QTMAN: variants seen among roughly 807,000 people sequenced by gnomAD.
QTMAN encodes the protein queuosine-tRNA mannosyltransferase, also known as tRNA-queuosine alpha-mannosyltransferase.
the QTMAN span, among the ~76,000 whole-genome samples, chr2:144,303,034 G>A: frequency 2.0e-5 from 3 of 152,160 alleles, no homozygotes; most frequent in South Asian, 2.1e-4. Context: ...CCCGGAAGGC[G>A]GAGGTTGCAG....
chr2:144,017,905 A>C, the QTMAN span, among the ~76,000 whole-genome samples: 1 of 152,102 alleles, frequency 6.6e-6, no homozygotes, highest in Non-Finnish European at 1.5e-5. Context: ...TAGTTCTTAT[A>C]CTTTAGCCAT....
the QTMAN span, among the ~76,000 whole-genome samples, chr2:143,950,312 G>T: frequency 6.6e-6 from 1 of 151,614 alleles, no homozygotes; most frequent in Non-Finnish European, 1.5e-5. Context: ...CCACTAAGCT[G>T]CCATTCTTTT....
chr2:144,133,181 T>TA, the QTMAN span, among the ~76,000 whole-genome samples: 5 of 47,040 alleles, frequency 1.1e-4, no homozygotes, highest in African/African-American at 2.6e-4. Flanking sequence ...TAAATATATA[T>TA]AATATAAATT....
the QTMAN span, among the ~76,000 whole-genome samples, chr2:144,114,563 T>G: frequency 6.6e-6 from 1 of 152,222 alleles, no homozygotes; most frequent in African/African-American, 2.4e-5. Context: ...TATAATAATT[T>G]GCTCATGCTG....
the QTMAN span, among the ~76,000 whole-genome samples, chr2:144,315,684 C>A: frequency 2.0e-5 from 3 of 152,306 alleles, no homozygotes; most frequent in East Asian, 5.8e-4. Flanking sequence ...GAATAGCCCT[C>A]CTACTTCTCA....
At chr2:144,141,715 T>C in the QTMAN span, among the ~76,000 whole-genome samples, 8 of 152,056 alleles carry the variant, frequency 5.3e-5, no homozygotes, top group African/African-American at 1.9e-4. Context: ...GTTAGACACA[T>C]GATGATTTAA....
the QTMAN span, among the ~76,000 whole-genome samples, chr2:144,129,312 A>G: frequency 6.6e-6 from 1 of 151,902 alleles, no homozygotes; most frequent in East Asian, 1.9e-4. Flanking sequence ...TCATGAACTC[A>G]AGAGCTGATG....
At chr2:144,067,304 T>C in the QTMAN span, among the ~76,000 whole-genome samples, 1 of 152,260 alleles carries the variant, frequency 6.6e-6, no homozygotes, top group African/African-American at 2.4e-5. Context: ...TTTTTTAAAT[T>C]GGCTCTTAAA....
At chr2:144,005,100 G>A in the QTMAN span, among the ~76,000 whole-genome samples, 1 of 151,888 alleles carries the variant, frequency 6.6e-6, no homozygotes, top group African/African-American at 2.4e-5. Flanking sequence ...CTTAGGTAAT[G>A]GCAAACAAAC....
chr2:144,253,962 C>T, the QTMAN span, among the ~76,000 whole-genome samples: 2 of 152,236 alleles, frequency 1.3e-5, no homozygotes, highest in Non-Finnish European at 2.9e-5. Context: ...CAAACTCCTG[C>T]TCCCTGCTGT....
the QTMAN span, among the ~76,000 whole-genome samples, chr2:144,295,510 A>G: frequency 6.6e-6 from 1 of 152,236 alleles, no homozygotes; most frequent in South Asian, 2.1e-4. Flanking sequence ...CAACTTGCCA[A>G]AAGATAGTCA....
chr2:144,113,943 T>C, the QTMAN span, among the ~76,000 whole-genome samples: 4 of 152,220 alleles, frequency 2.6e-5, no homozygotes, highest in African/African-American at 9.6e-5. Flanking sequence ...GAGTAGTATT[T>C]TCAAAGATGA....
the QTMAN span, among the ~76,000 whole-genome samples, chr2:144,146,122 C>T: frequency 6.9e-6 from 1 of 145,952 alleles, no homozygotes; most frequent in Admixed American, 7.0e-5. Context: ...AGTTTCATTA[C>T]ACTTTCCTTC....
At chr2:144,177,262 A>AC in the QTMAN span, 1 of 665,994 alleles carries the variant, frequency 1.5e-6, no homozygotes, top group Non-Finnish European at 2.7e-6. Context: ...TAAAAAAAAA[A>AC]AAAACATTGT....
chr2:144,226,276 AATTT>A, the QTMAN span, among the ~76,000 whole-genome samples: 4 of 152,330 alleles, frequency 2.6e-5, no homozygotes, highest in East Asian at 7.7e-4. Context: ...GGATACTTAC[AATTT>A]ATTTAACAAA....
At chr2:144,203,834 T>C in the QTMAN span, among the ~76,000 whole-genome samples, 1 of 152,162 alleles carries the variant, frequency 6.6e-6, no homozygotes, top group Non-Finnish European at 1.5e-5. Flanking sequence ...ACAGAATAGT[T>C]GTTAAGACAA....
At chr2:144,112,017 T>G in the QTMAN span, among the ~76,000 whole-genome samples, 1 of 152,226 alleles carries the variant, frequency 6.6e-6, no homozygotes, top group Non-Finnish European at 1.5e-5. Context: ...GCTTACTATT[T>G]GTCAATTATG....
chr2:144,155,252 T>G, the QTMAN span, among the ~76,000 whole-genome samples: 7 of 152,264 alleles, frequency 4.6e-5, no homozygotes, highest in African/African-American at 1.4e-4. Context: ...AGAGGAAAGG[T>G]AGATGTCAAC....
the QTMAN span, among the ~76,000 whole-genome samples, chr2:144,192,967 C>G: frequency 1.6e-4 from 25 of 152,272 alleles, no homozygotes; most frequent in African/African-American, 6.0e-4. Context: ...CATGTGCAGA[C>G]ATTCACATAA....
Sources: gnomAD v4.1 joint callset for allele counts (sites outside exome capture counted in the v4.1 genomes callset) on GRCh38, gnomAD v4.1.1 for gene constraint, MANE v1.5 for transcripts, NCBI Gene and HGNC (gene_info 2026-07-23, HGNC 2026-07-21) for gene names.